ERAP1: variants seen among roughly 807,000 people sequenced by gnomAD.
ERAP1 encodes adipocyte-derived leucine aminopeptidase.
A neutral mutation model predicts 103.7 loss-of-function variants in ERAP1; 86 were observed. The observed-to-expected ratio is 0.83, with a 90% CI of 0.70 to 0.99. The LOEUF is 0.99. ERAP1 is among the 50% of genes least tolerant of loss of function. The probability of loss-of-function intolerance (pLI) is 0.00; values close to 1 mark genes in which losing one functional copy is unlikely to be tolerated. For synonymous variants in ERAP1, 398 were observed against 402.4 expected, an observed-to-expected ratio of 0.99 and a Z score of 0.13; for missense variants, 1,009 against 1,128.4, an observed-to-expected ratio of 0.89 and a Z score of 1.52.
At chr5:96,871,582 T>C in the ERAP1 span, among the ~76,000 whole-genome samples, 3 of 152,232 alleles carry the variant, frequency 2.0e-5, no homozygotes, top group African/African-American at 7.2e-5. Context: ...TCATTTTTCC[T>C]GTTTGAGAAT....
At chr5:96,789,890 T>A (rs1457721445) in intron 10 of ERAP1, among the ~76,000 whole-genome samples, 1 of 152,228 alleles carries the variant, frequency 6.6e-6, no homozygotes, top group Non-Finnish European at 1.5e-5. Context: ...TACATATAAG[T>A]GCTTAACATG....
At chr5:96,900,504 A>C in the ERAP1 span, among the ~76,000 whole-genome samples, 1 of 152,158 alleles carries the variant, frequency 6.6e-6, no homozygotes, top group Admixed American at 6.5e-5. Context: ...AAATGCCAAA[A>C]TAAGTATGCT....
chr5:96,831,041 T>C, the ERAP1 span, among the ~76,000 whole-genome samples: 2 of 152,336 alleles, frequency 1.3e-5, no homozygotes, highest in Admixed American at 6.5e-5. Context: ...AAGGAATACT[T>C]GAGACTGGGT....
At chr5:96,921,928 A>G in the ERAP1 span, among the ~76,000 whole-genome samples, 1 of 152,246 alleles carries the variant, frequency 6.6e-6, no homozygotes, top group Non-Finnish European at 1.5e-5. Flanking sequence ...GTTGGCCAGA[A>G]TAAATTGTCT....
At chr5:96,895,177 G>GTA in the ERAP1 span, 2 of 829,902 alleles carry the variant, frequency 2.4e-6, no homozygotes, top group Non-Finnish European at 3.7e-6. Context: ...AGTAACTATT[G>GTA]TATTTTTTGC....
chr5:96,879,837 G>C, the ERAP1 span: 1 of 1,614,044 alleles, frequency 6.2e-7, no homozygotes, highest in Admixed American at 1.7e-5. Context: ...GAGGATCCTG[G>C]GGCTTTCCCA....
downstream of ERAP1, chr5:96,772,750 T>G (rs1236209489): frequency 6.5e-6 from 1 of 152,726 alleles, no homozygotes; most frequent in Admixed American, 6.5e-5. Context: ...TTTTGTTGAG[T>G]CTCTGAACAT....
chr5:96,820,253 C>T, the ERAP1 span, among the ~76,000 whole-genome samples: 3,434 of 152,128 alleles, frequency 0.023, 125 homozygotes, highest in African/African-American at 0.079. Context: ...TCAGCATTTG[C>T]TTATTTGCCA....
chr5:96,887,164 T>C, the ERAP1 span, among the ~76,000 whole-genome samples: 2 of 150,754 alleles, frequency 1.3e-5, no homozygotes, highest in African/African-American at 2.4e-5. Flanking sequence ...ATATTGACTA[T>C]TTTTAACCCA....
chr5:96,840,699 T>G, the ERAP1 span, among the ~76,000 whole-genome samples: 2 of 108,258 alleles, frequency 1.8e-5, no homozygotes, highest in African/African-American at 5.8e-5. Context: ...TTGGACTTTT[T>G]TTTTCTTTTT....
Position 96,775,519 on chromosome 5 carries a change from A to G in ERAP1, c.*877T>C. 1.1e-6 allele frequency: 1 copy of G among 913,146 alleles called. No individual in the cohort carries two copies. The highest frequency in any genetic ancestry group is 5.6e-4 in the Middle Eastern group (1 of 1,788). The allele number at this position is 913,146 out of a possible 1,614,324, so 56.6% of individuals were successfully genotyped here. A position where few individuals can be genotyped will look rare whatever the true frequency, so the allele number is the denominator to read the frequency against. On this transcript the variant is annotated 3_prime_UTR_variant, in exon 19 of 19. Transcript: ENST00000443439. ...TTTCAGAAGAGATACTGTACCAGTC[A>G]GGGAAATAGATGACACTCACTCAGA...
At chr5:96,778,700 A>T (rs1379948117) in intron 18 of ERAP1, among the ~76,000 whole-genome samples, 2 of 152,196 alleles carry the variant, frequency 1.3e-5, no homozygotes, top group Admixed American at 1.3e-4. Context: ...TTCAATGTGG[A>T]AAATGTTTTG....
At chr5:96,912,121 G>A in the ERAP1 span, among the ~76,000 whole-genome samples, 1 of 148,536 alleles carries the variant, frequency 6.7e-6, no homozygotes, top group Non-Finnish European at 1.5e-5. Context: ...ACCCCGGGGG[G>A]CGGAGCCTGC....
downstream of ERAP1, chr5:96,770,342 T>C: frequency 3.6e-6 from 2 of 548,374 alleles, no homozygotes; most frequent in South Asian, 4.4e-5. Context: ...TTCTATCCTT[T>C]TTCCCTCCTG....
Position 96,788,683 on chromosome 5 carries a change from A to G in ERAP1, c.1527T>C (p.His509=), listed in dbSNP as rs767134485. 103 of 1,613,820 alleles carry G rather than the reference A, an allele frequency of 6.4e-5. No individual in the cohort carries two copies. The highest frequency in any genetic ancestry group is 1.6e-4 in the Middle Eastern group (1 of 6,084). Residue 509 remains histidine, a splice_region_variant and synonymous_variant, in exon 11 of 19, where the codon CAT becomes CAC. Transcript: ENST00000443439. ...TCACATCCACCCCTTCCTGATGCCA[A>G]TGCTGGTGTGTACACAAAAAGGCAG... ...SRSQHSSSSS[H]WHQEGVDVKT...
At chr5:96,782,115 A>G (rs893874481) in intron 15 of ERAP1, among the ~76,000 whole-genome samples, 1 of 149,156 alleles carries the variant, frequency 6.7e-6, no homozygotes, top group Non-Finnish European at 1.5e-5. Flanking sequence ...GGTTCACGCC[A>G]TTCTCCTACC....
chr5:96,780,283 C>T (rs1774959611), intron 18 of ERAP1, 140 bp downstream of exon 18: 1 of 601,792 alleles, frequency 1.7e-6, no homozygotes, highest in South Asian at 2.5e-5. Flanking sequence ...CTGCTGTCAA[C>T]ACCATAGCAT....
chr5:96,922,101 A>G, the ERAP1 span, among the ~76,000 whole-genome samples: 2 of 151,940 alleles, frequency 1.3e-5, no homozygotes, highest in Non-Finnish European at 2.9e-5. Context: ...GATCGAGACC[A>G]TCCTGGCTAA....
chr5:96,796,442 C>T (rs1298068644), intron 4 of ERAP1, among the ~76,000 whole-genome samples: 1 of 152,236 alleles, frequency 6.6e-6, no homozygotes, highest in Non-Finnish European at 1.5e-5. Flanking sequence ...CTCTATCTTC[C>T]TTACCATAGC....
Sources: allele counts gnomAD v4.1 joint callset (sites outside exome capture counted in the v4.1 genomes callset), GRCh38; gene constraint gnomAD v4.1.1; transcripts MANE v1.5; gene names NCBI Gene and HGNC (gene_info 2026-07-23, HGNC 2026-07-21).